Variants in NELL2 observed in about 807,000 individuals in gnomAD.
NELL2 encodes neural EGFL like 2.
NELL2 carries 41 observed loss-of-function variants against 109.6 expected under a neutral mutation model. That is an observed-to-expected ratio of 0.37 (90% CI 0.29 to 0.49). NELL2 has a LOEUF of 0.49. NELL2 is among the 20% of genes least tolerant of loss of function. NELL2 has a pLI of 0.98. For synonymous variants in NELL2, 355 were observed against 344.7 expected, an observed-to-expected ratio of 1.03 and a Z score of -0.33; for missense variants, 900 against 1,008.3, an observed-to-expected ratio of 0.89 and a Z score of 1.45.
chr12:44,873,023 A>C (rs576123226), intron 2 of NELL2, among the ~76,000 whole-genome samples: 9 of 152,338 alleles, frequency 5.9e-5, no homozygotes, highest in African/African-American at 2.2e-4. Flanking sequence ...ATGCATGGCC[A>C]AAGGGCCACC....
At chr12:44,812,012 A>G (rs1943195186) in intron 3 of NELL2, among the ~76,000 whole-genome samples, 1 of 152,056 alleles carries the variant, frequency 6.6e-6, no homozygotes, top group Non-Finnish European at 1.5e-5. Flanking sequence ...AAAAATAAGC[A>G]TCCTTCAGCA....
chr12:44,519,079 G>C (rs1476358738), intron 19 of NELL2, among the ~76,000 whole-genome samples: 1 of 152,134 alleles, frequency 6.6e-6, no homozygotes, highest in Non-Finnish European at 1.5e-5. Context: ...TGTAGTAAGT[G>C]AATCTGAATT....
At chr12:44,619,632 G>A (rs1442142729) in intron 13 of NELL2, among the ~76,000 whole-genome samples, 1 of 152,110 alleles carries the variant, frequency 6.6e-6, no homozygotes, top group Non-Finnish European at 1.5e-5. Context: ...TGAGAAGGCG[G>A]CGGAAGAGGA....
intron 15 of NELL2, among the ~76,000 whole-genome samples, chr12:44,605,187 G>C (rs1288443777): frequency 2.0e-5 from 3 of 152,078 alleles, no homozygotes. Context: ...CCTGGATTTG[G>C]GAGCAGAATG....
intron 2 of NELL2, among the ~76,000 whole-genome samples, chr12:44,825,148 T>C (rs7295338): frequency 0.95 from 144,698 of 152,142 alleles, 69,003 homozygotes; most frequent in Middle Eastern, 0.99. Flanking sequence ...TGTGGGAATA[T>C]GTCATTGAAA....
At chr12:44,678,106 T>A (rs781683389) in intron 12 of NELL2, among the ~76,000 whole-genome samples, 2 of 152,028 alleles carry the variant, frequency 1.3e-5, no homozygotes, top group African/African-American at 2.4e-5. Context: ...CCTGGGGGAC[T>A]TGGACATTTA....
chr12:44,689,972 C>T (rs756125463), intron 12 of NELL2, among the ~76,000 whole-genome samples: 1 of 152,168 alleles, frequency 6.6e-6, no homozygotes, highest in East Asian at 1.9e-4. Context: ...TAGGCAGGAA[C>T]ACATAAACTA....
intron 11 of NELL2, among the ~76,000 whole-genome samples, chr12:44,708,463 C>A (rs1279803622): frequency 6.6e-6 from 1 of 152,192 alleles, no homozygotes; most frequent in Non-Finnish European, 1.5e-5. Flanking sequence ...CAGATGTGAA[C>A]ACACCATCTT....
chr12:44,530,291 G>A (rs1476695518), intron 16 of NELL2, among the ~76,000 whole-genome samples: 1 of 152,176 alleles, frequency 6.6e-6, no homozygotes, highest in African/African-American at 2.4e-5. Flanking sequence ...GCCACTGACA[G>A]AGAATAAAAA....
intron 19 of NELL2, among the ~76,000 whole-genome samples, chr12:44,514,212 A>G (rs912527035): frequency 1.3e-5 from 2 of 151,936 alleles, no homozygotes; most frequent in African/African-American, 4.8e-5. Flanking sequence ...TTTCAGATAA[A>G]TAAGAGTTGA....
intron 9 of NELL2, among the ~76,000 whole-genome samples, chr12:44,743,317 G>C (rs1940115262): frequency 6.6e-6 from 1 of 152,164 alleles, no homozygotes; most frequent in African/African-American, 2.4e-5. Context: ...AACATGGAAA[G>C]GAACAACCGG....
intron 11 of NELL2, among the ~76,000 whole-genome samples, chr12:44,708,433 T>C (rs1938009150): frequency 6.6e-6 from 1 of 152,180 alleles, no homozygotes; most frequent in South Asian, 2.1e-4. Flanking sequence ...TTACTAACTG[T>C]TGTCCAACAA....
chr12:44,727,761 C>T (rs1244432211), intron 9 of NELL2, among the ~76,000 whole-genome samples: 1 of 151,828 alleles, frequency 6.6e-6, no homozygotes, highest in Non-Finnish European at 1.5e-5. Flanking sequence ...AATGAAACAT[C>T]GAGGTTAAAA....
intron 10 of NELL2, among the ~76,000 whole-genome samples, chr12:44,711,926 A>G (rs1385482869): frequency 1.3e-5 from 2 of 152,062 alleles, no homozygotes; most frequent in African/African-American, 4.8e-5. Context: ...TGTCTAGCAC[A>G]TTTTCAGGCA....
chr12:44,680,268 G>T (rs1486157148), intron 12 of NELL2, among the ~76,000 whole-genome samples: 2 of 152,056 alleles, frequency 1.3e-5, no homozygotes, highest in African/African-American at 4.8e-5. Context: ...TGACTGGATT[G>T]CATTGTTAGT....
intron 13 of NELL2, among the ~76,000 whole-genome samples, chr12:44,644,144 C>T (rs1188950318): frequency 1.3e-5 from 2 of 152,130 alleles, no homozygotes; most frequent in Non-Finnish European, 2.9e-5. Context: ...CAACCTCATT[C>T]TATTCCTCTG....
chr12:44,642,365 C>T (rs888453567), intron 13 of NELL2, among the ~76,000 whole-genome samples: 1 of 152,066 alleles, frequency 6.6e-6, no homozygotes, highest in Non-Finnish European at 1.5e-5. Context: ...AGTCAATACA[C>T]ACATAATAAA....
chr12:44,804,596 T>C (rs1438223100), intron 3 of NELL2, among the ~76,000 whole-genome samples: 2 of 151,876 alleles, frequency 1.3e-5, no homozygotes, highest in African/African-American at 4.8e-5. Flanking sequence ...AAAATTATAT[T>C]TTTAAATGAG....
intron 1 of NELL2, among the ~76,000 whole-genome samples, chr12:44,901,853 C>G (rs1447089196): frequency 6.6e-6 from 1 of 152,128 alleles, no homozygotes; most frequent in Non-Finnish European, 1.5e-5. Context: ...ATTCAACACC[C>G]CTTCATGCTA....
Sources: allele counts gnomAD v4.1 joint callset (sites outside exome capture counted in the v4.1 genomes callset), GRCh38; gene constraint gnomAD v4.1.1; transcripts MANE v1.5; gene names NCBI Gene and HGNC (gene_info 2026-07-23, HGNC 2026-07-21).